IREB2: variants seen among roughly 807,000 people sequenced by gnomAD.
The protein encoded by IREB2 is iron-responsive element-binding protein 2.
A neutral mutation model predicts 118.8 loss-of-function variants in IREB2; 39 were observed. That is an observed-to-expected ratio of 0.33 (90% CI 0.25 to 0.43). The LOEUF (loss-of-function observed/expected upper bound fraction) is 0.43. Among genes scored for constraint, IREB2 ranks in the 20% least tolerant of loss-of-function variants. IREB2 has a pLI of 1.00. For missense variants in IREB2, 900 were observed against 1,147.3 expected (o/e 0.78, Z 3.11); for synonymous variants, 372 against 392.2 (o/e 0.95, Z 0.61).
intron 5 of IREB2, among the ~76,000 whole-genome samples, chr15:78,467,216 A>G (rs562114818): frequency 6.6e-6 from 1 of 151,892 alleles, no homozygotes; most frequent in South Asian, 2.1e-4. Context: ...CGCAAAAAAA[A>G]AAAAAAAAAG....
In IREB2 at chr15:78,478,024, C is replaced by G. The variant is rs1596005609; in HGVS notation, c.1196-273C>G. Among the ~76,000 whole-genome samples the G allele has an allele frequency of 2.0e-5, 3 of 151,068 alleles. No individual in the cohort carries two copies. In the Admixed American group the frequency reaches 2.0e-4, roughly 10 times the overall value. ...ATCTCTTGAGGCTGAGAGTTCGAAA[C>G]CAACCTATTCAAAAAAAACAAGACC... On this transcript the variant is annotated intron_variant, in intron 9 of 21. Coordinates refer to ENST00000258886, the MANE Select transcript of IREB2 (RefSeq NM_004136.4).
chr15:78,467,208 C>CAA lies in IREB2; in HGVS notation c.629+735_629+736dup, dbSNP rs377224708. ...TGGGTGTGACGGAGTGAGACTGTCG[C>CAA]AAAAAAAAAAAAAAAAAGAGCCGTA... is the stretch of plus-strand genomic sequence containing the variant. On this transcript the variant is annotated intron_variant, in intron 5 of 21. Transcript: ENST00000258886. Among the ~76,000 whole-genome samples, 723 of 99,688 alleles carry CAA rather than the reference C, an allele frequency of 7.3e-3. 15 individuals are homozygous for CAA. The highest frequency in any genetic ancestry group is 0.015 in the African/African-American group (327 of 21,588). 65.4% of individuals were successfully genotyped at this position (99,688 alleles called of 152,430 possible).
At chr15:78,466,215 G>C (rs899237727) in intron 4 of IREB2, 56 bp from the exon 5 acceptor site, 34 of 1,200,222 alleles carry the variant, frequency 2.8e-5, no homozygotes, top group Middle Eastern at 5.3e-4. Context: ...TTTTTTAAGA[G>C]CTAAATTTGT....
chr15:78,446,408 A>C (rs2050929634), intron 2 of IREB2, among the ~76,000 whole-genome samples: 1 of 152,146 alleles, frequency 6.6e-6, no homozygotes, highest in Non-Finnish European at 1.5e-5. Flanking sequence ...CACTAGCTCG[A>C]GTGAAGAAGG....
intron 3 of IREB2, among the ~76,000 whole-genome samples, chr15:78,464,644 T>C (rs1008525650): frequency 1.3e-5 from 2 of 152,236 alleles, no homozygotes; most frequent in African/African-American, 4.8e-5. Context: ...AGTGTAGTGA[T>C]GTGATCATAG....
chr15:78,492,506 T>A (rs899568458), intron 18 of IREB2, among the ~76,000 whole-genome samples: 1 of 152,196 alleles, frequency 6.6e-6, no homozygotes, highest in African/African-American at 2.4e-5. Flanking sequence ...AACCAGCCTT[T>A]CATGTATGGA....
At chr15:78,477,285 A>G (rs921317548) in intron 9 of IREB2, among the ~76,000 whole-genome samples, 1 of 152,222 alleles carries the variant, frequency 6.6e-6, no homozygotes. Flanking sequence ...TTACTAGCTC[A>G]TGGTTTCAGT....
intron 11 of IREB2, 147 bp downstream of exon 11, chr15:78,483,581 A>G (rs755217981): frequency 1.2e-4 from 67 of 568,818 alleles, no homozygotes; most frequent in Non-Finnish European, 2.1e-4. Flanking sequence ...CCTTCTGTCT[A>G]ATGTGCAAGT....
rs898506543 is a variant in IREB2 at position 78,476,052 on chromosome 15, T to G, written c.1024-136T>G. 9.4e-6 allele frequency: 5 copies of G among 531,028 alleles called. No homozygotes were observed. In the Admixed American group the frequency reaches 1.7e-4, roughly 18 times the overall value. The allele number at this position is 531,028 out of a possible 1,614,324, so 32.9% of individuals were successfully genotyped here. ...ACCCCCAAAACCAGAATGAGTTGAT[T>G]CATAAGGACAATGAAGGATCTCATT... On this transcript the variant is annotated intron_variant, in intron 8 of 21. Coordinates refer to ENST00000258886, the MANE Select transcript of IREB2 (RefSeq NM_004136.4).
intron 5 of IREB2, 117 bp from the exon 6 acceptor site, chr15:78,470,415 C>G: frequency 1.7e-6 from 1 of 575,744 alleles, no homozygotes; most frequent in Middle Eastern, 3.4e-4. Flanking sequence ...ATAGTTCTTC[C>G]AAGGATTTTA....
Position 78,487,788 on chromosome 15 carries a change from T to A in IREB2, c.1765T>A (p.Ser589Thr). 1.2e-6 allele frequency: 2 copies of A among 1,607,030 alleles called. No individual in the cohort carries two copies. The highest frequency in any genetic ancestry group is 1.7e-6 in the Non-Finnish European group (2 of 1,173,848). Residue 589 changes from serine (S) to threonine (T), a missense_variant, in exon 14 of 22, where the codon TCA (serine) becomes ACA (threonine). Coordinates refer to ENST00000258886, the MANE Select transcript of IREB2 (RefSeq NM_004136.4). Reference protein sequence around the residue: ...SICVGNTAPLSDAVLNAVKQG... With the variant: ...SICVGNTAPLTDAVLNAVKQG... Reference sequence around the variant, plus strand: ...TTGTGTGGGAAATACAGCACCCTTATCAGACGCAGTTTTAAATGCAGTAAA... The same window carrying A: ...TTGTGTGGGAAATACAGCACCCTTAACAGACGCAGTTTTAAATGCAGTAAA...
chr15:78,487,865 G>A (rs1362221856), intron 14 of IREB2, 48 bp downstream of exon 14: 1 of 1,138,864 alleles, frequency 8.8e-7, no homozygotes. Context: ...TCTTAACTAT[G>A]TTTTGTTACT....
Position 78,442,808 on chromosome 15 carries a change from A to C in IREB2, c.106+2927A>C, listed in dbSNP as rs146021294. ...GGTTGCACCTCCAGGCATTATGTCCAAGTTAAATTTTCCCTGGGAAATAAG... is the reference window on the plus strand; with the variant it reads ...GGTTGCACCTCCAGGCATTATGTCCCAGTTAAATTTTCCCTGGGAAATAAG... On this transcript the variant is annotated intron_variant, in intron 2 of 21. Coordinates refer to ENST00000258886, the MANE Select transcript of IREB2 (RefSeq NM_004136.4). 1.6e-3 allele frequency among the ~76,000 whole-genome samples: 250 copies of C among 152,272 alleles called. 3 individuals carry two copies. Among genetic ancestry groups the C allele is most frequent in the African/African-American group, 5.7e-3 (238 of 41,542 alleles).
rs372214594 is a variant in IREB2 at position 78,483,304 on chromosome 15, T to C, written c.1297-14T>C. On this transcript the variant is annotated splice_polypyrimidine_tract_variant and intron_variant, in intron 10 of 21. Coordinates refer to ENST00000258886, the MANE Select transcript of IREB2 (RefSeq NM_004136.4). Reference sequence around the variant, plus strand: ...AATTCTAATTCCTTGTTCTTTCTCTTTCTCATTTCTTAGGTGATCCAGATT... The same window carrying C: ...AATTCTAATTCCTTGTTCTTTCTCTCTCTCATTTCTTAGGTGATCCAGATT... The C allele has an allele frequency of 5.1e-5, 61 of 1,202,938 alleles. No individual in the cohort carries two copies. Among genetic ancestry groups the C allele is most frequent in the Non-Finnish European group, 6.9e-5 (56 of 810,964 alleles). The allele number at this position is 1,202,938 out of a possible 1,614,324, so 74.5% of individuals were successfully genotyped here. A position where few individuals can be genotyped will look rare whatever the true frequency, so the allele number is the denominator to read the frequency against.
rs772622786 is a variant in IREB2 at position 78,484,785 on chromosome 15, G to A, written c.1438G>A (p.Ala480Thr). ...GGTTGGATTTAAAGGCTTCCAAATT[G>A]CAGCTGAAAAACAAAAGGATATTGT... ...EKVGFKGFQI[A>T]AEKQKDIVSI... The change falls in exon 12 of 22, where the codon GCA (alanine) becomes ACA (threonine). Residue 480 changes from alanine to threonine, a missense_variant. By Grantham distance (58) the Ala-to-Thr change is moderately conservative. Coordinates refer to ENST00000258886, the MANE Select transcript of IREB2 (RefSeq NM_004136.4). The A allele has an allele frequency of 7.1e-5, 115 of 1,612,976 alleles. No individual in the cohort carries two copies. Among genetic ancestry groups the A allele is most frequent in the Non-Finnish European group, 9.4e-5 (111 of 1,179,636 alleles).
At chr15:78,494,479 C>T (rs187626184) in intron 20 of IREB2, among the ~76,000 whole-genome samples, 48 of 152,104 alleles carry the variant, frequency 3.2e-4, no homozygotes, top group African/African-American at 1.1e-3. Context: ...TTTGGTAAAA[C>T]CTACATCAGT....
chr15:78,473,393 T>G lies in IREB2; in HGVS notation c.1023+12T>G. 6.2e-7 allele frequency: 1 copy of G among 1,609,760 alleles called. No individual in the cohort carries two copies. The highest frequency in any genetic ancestry group is 1.3e-5 in the African/African-American group (1 of 74,868). On this transcript the variant is annotated intron_variant, in intron 8 of 21. Coordinates refer to ENST00000258886, the MANE Select transcript of IREB2 (RefSeq NM_004136.4). ...TTGGTATTACAAAGGTAAGTTAAAG[T>G]TGTGGTAGCTCTATGACTTACTGAA...
At chr15:78,451,191 C>T (rs1256170896) in intron 2 of IREB2, among the ~76,000 whole-genome samples, 1 of 152,074 alleles carries the variant, frequency 6.6e-6, no homozygotes, top group Non-Finnish European at 1.5e-5. Flanking sequence ...GTCTCGAACT[C>T]CTGACCTCAG....
At chr15:78,481,845 T>A (rs2051579425) in intron 10 of IREB2, 1 of 152,102 alleles carries the variant, frequency 6.6e-6, no homozygotes, top group South Asian at 2.1e-4. Flanking sequence ...AACCTGACCA[T>A]GTAAAGAAAT....
Sources: allele counts gnomAD v4.1 joint callset (sites outside exome capture counted in the v4.1 genomes callset), GRCh38; gene constraint gnomAD v4.1.1; transcripts MANE v1.5; gene names NCBI Gene and HGNC (gene_info 2026-07-23, HGNC 2026-07-21).